OSBPL3: variants seen among roughly 807,000 people sequenced by gnomAD.
OSBPL3 encodes the protein oxysterol binding protein like 3, also known as oxysterol-binding protein-related protein 3.
OSBPL3 carries 65 observed loss-of-function variants against 120.1 expected under a neutral mutation model. The observed-to-expected ratio is 0.54, with a 90% CI of 0.44 to 0.67. OSBPL3 has a LOEUF of 0.67. OSBPL3 is among the 30% of genes least tolerant of loss of function. The pLI, the probability that OSBPL3 is intolerant of heterozygous loss-of-function variation, is 0.00. For synonymous variants in OSBPL3, 416 were observed against 402.6 expected, an observed-to-expected ratio of 1.03 and a Z score of -0.40; for missense variants, 1,004 against 1,082.1, an observed-to-expected ratio of 0.93 and a Z score of 1.01.
chr7:24,809,121 A>G (rs1793441183), intron 20 of OSBPL3, among the ~76,000 whole-genome samples: 1 of 152,158 alleles, frequency 6.6e-6, no homozygotes. Flanking sequence ...CTAACGGTTT[A>G]AACCACCAGT....
At chr7:24,911,276 G>A (rs935592785) in intron 1 of OSBPL3, among the ~76,000 whole-genome samples, 1 of 152,110 alleles carries the variant, frequency 6.6e-6, no homozygotes, top group African/African-American at 2.4e-5. Flanking sequence ...TTTATCAGTG[G>A]GTGTTATTAC....
intron 1 of OSBPL3, among the ~76,000 whole-genome samples, chr7:24,943,739 T>C (rs1813366501): frequency 6.6e-6 from 1 of 152,188 alleles, no homozygotes; most frequent in African/African-American, 2.4e-5. Context: ...AGCTTTCACG[T>C]TCCCTGGTGC....
intron 1 of OSBPL3, among the ~76,000 whole-genome samples, chr7:24,925,218 C>T (rs1400972292): frequency 6.6e-6 from 1 of 152,146 alleles, no homozygotes; most frequent in East Asian, 1.9e-4. Context: ...TGATAACAAA[C>T]CTCCCTCAGC....
chr7:24,852,690 T>A lies in OSBPL3; in HGVS notation c.1028-56A>T. The A allele has an allele frequency of 8.3e-7, 1 of 1,206,918 alleles. No homozygotes were observed. The highest frequency in any genetic ancestry group is 1.1e-6 in the Non-Finnish European group (1 of 885,502). The allele number at this position is 1,206,918 out of a possible 1,614,324, so 74.8% of individuals were successfully genotyped here. On this transcript the variant is annotated intron_variant, in intron 10 of 22. Coordinates refer to ENST00000313367, the MANE Select transcript of OSBPL3 (RefSeq NM_015550.4). This position sits in a 1 kb window ranked among gnomAD's most constrained non-coding sequence, Gnocchi z 4.1. ...TAAGGAGGCATAATTAAAAACAAAA[T>A]ACAGAAAAAAACATATCTCTTATAA...
intron 10 of OSBPL3, among the ~76,000 whole-genome samples, chr7:24,853,570 A>T (rs1357073064): frequency 6.6e-6 from 1 of 152,270 alleles, no homozygotes; most frequent in Non-Finnish European, 1.5e-5. Flanking sequence ...TTATTGGGAT[A>T]ACTGACAGCA....
At chr7:24,973,753 G>GA (rs1378825019) in intron 1 of OSBPL3, among the ~76,000 whole-genome samples, 3 of 152,040 alleles carry the variant, frequency 2.0e-5, no homozygotes, top group Non-Finnish European at 2.9e-5. Context: ...AAGCATCTTT[G>GA]AAAAAAATCA....
rs1326391160 is a variant in OSBPL3 at position 24,947,582 on chromosome 7, C to T, written c.-150+32304G>A. On this transcript the variant is annotated intron_variant, in intron 1 of 22. Coordinates refer to ENST00000313367, the MANE Select transcript of OSBPL3 (RefSeq NM_015550.4). The surrounding 1 kb of genome is among the most constrained non-coding windows in gnomAD (Gnocchi z 4.4). ...TTTTAGCATAATATTTAATCCCTAA[C>T]CATACCAACAACTTATCTATATGGG... 4.6e-5 allele frequency among the ~76,000 whole-genome samples: 7 copies of T among 152,106 alleles called. No homozygotes were observed. Among genetic ancestry groups the T allele is most frequent in the Non-Finnish European group, 1.0e-4 (7 of 68,022 alleles).
chr7:24,977,566 A>AC (rs11377684), intron 1 of OSBPL3, among the ~76,000 whole-genome samples: 129,137 of 152,138 alleles, frequency 0.85, 55,173 homozygotes, highest in African/African-American at 0.94. Flanking sequence ...GGTGAAAATT[A>AC]AGCTTACGGG....
At chr7:24,980,857 T>C (rs1818263069), upstream of OSBPL3, among the ~76,000 whole-genome samples, 1 of 152,098 alleles carries the variant, frequency 6.6e-6, no homozygotes, top group East Asian at 1.9e-4. Context: ...CCGTCGTTAC[T>C]ATTAAATCTC....
At chr7:24,843,495 G>A (rs551860931) in intron 12 of OSBPL3, among the ~76,000 whole-genome samples, 1 of 152,240 alleles carries the variant, frequency 6.6e-6, no homozygotes, top group African/African-American at 2.4e-5. Flanking sequence ...GAAATTGTCT[G>A]AATTCAGGAT....
rs112190448 is a variant in OSBPL3 at position 24,979,559 on chromosome 7, G to C, written c.-150+327C>G. ...GGCGTAGCGCCTCCCCGCTGCCCAG[G>C]ACAGCTCCGCGCGCCGCGTCCTCCC... On this transcript the variant is annotated intron_variant, in intron 1 of 22. Transcript: ENST00000313367. Among the ~76,000 whole-genome samples the C allele has an allele frequency of 2.8e-4, 42 of 152,326 alleles. 1 individual carries two copies. The highest frequency in any genetic ancestry group is 1.0e-3 in the African/African-American group (42 of 41,580).
At chr7:24,882,812 T>G (rs186864292) in intron 2 of OSBPL3, among the ~76,000 whole-genome samples, 1 of 152,376 alleles carries the variant, frequency 6.6e-6, no homozygotes, top group Non-Finnish European at 1.5e-5. Context: ...GATTTGCATT[T>G]CCCTGATGAT....
intron 12 of OSBPL3, among the ~76,000 whole-genome samples, chr7:24,848,566 A>G (rs1023666330): frequency 6.6e-6 from 1 of 152,176 alleles, no homozygotes; most frequent in Non-Finnish European, 1.5e-5. Context: ...AGACACTTTA[A>G]TTGTAATGAA....
Position 24,818,187 on chromosome 7 carries a change from G to A in OSBPL3, c.1949-1499C>T, listed in dbSNP as rs1794701872. On this transcript the variant is annotated intron_variant, in intron 17 of 22. Transcript: ENST00000313367. This position sits in a 1 kb window ranked among gnomAD's most constrained non-coding sequence, Gnocchi z 4.0. Reference sequence around the variant, plus strand: ...GGGGGTGGATAATATTTGCTAAAGAGGATTCTTTTTGGAGTGATGAAAATG... The same window carrying A: ...GGGGGTGGATAATATTTGCTAAAGAAGATTCTTTTTGGAGTGATGAAAATG... Among the ~76,000 whole-genome samples the A allele has an allele frequency of 6.6e-6, 1 of 152,160 alleles. No individual in the cohort carries two copies. The highest frequency in any genetic ancestry group is 1.5e-5 in the Non-Finnish European group (1 of 68,024).
chr7:24,837,079 C>G (rs1357979738), intron 14 of OSBPL3, among the ~76,000 whole-genome samples: 1 of 152,236 alleles, frequency 6.6e-6, no homozygotes, highest in Non-Finnish European at 1.5e-5. Flanking sequence ...AAGTGATCCA[C>G]CCACCTCAGC....
intron 16 of OSBPL3, among the ~76,000 whole-genome samples, chr7:24,825,244 G>A (rs925471821): frequency 6.6e-6 from 1 of 152,194 alleles, no homozygotes; most frequent in Non-Finnish European, 1.5e-5. Flanking sequence ...CCTGAGCTAG[G>A]TGACCAGCAT....
chr7:24,859,632 G>A (rs553139255), intron 10 of OSBPL3, among the ~76,000 whole-genome samples: 2 of 152,314 alleles, frequency 1.3e-5, no homozygotes, highest in South Asian at 4.1e-4. Flanking sequence ...GAGAATTCAA[G>A]TCTCATGCTG....
In OSBPL3 at chr7:24,827,794, G is replaced by GGCTTC. The variant is rs1795875850; in HGVS notation, c.1884+2973_1884+2974insGAAGC. Among the ~76,000 whole-genome samples, 2 of 152,160 alleles carry GGCTTC rather than the reference G, an allele frequency of 1.3e-5. No individual in the cohort carries two copies. The highest frequency in any genetic ancestry group is 2.9e-5 in the Non-Finnish European group (2 of 68,024). On this transcript the variant is annotated intron_variant, in intron 16 of 22. Transcript: ENST00000313367. The surrounding 1 kb of genome is among the most constrained non-coding windows in gnomAD (Gnocchi z 5.1). ...CCATGATGATCAGGACTGGTGGTAT[G>GGCTTC]ACCATGGTGAAGCCAGCTGTGAGAA...
rs764933500 is a variant in OSBPL3, at chr7:24,831,548, A to C, written c.1747-643T>G. On this transcript the variant is annotated intron_variant, in intron 15 of 22. Transcript: ENST00000313367. The surrounding 1 kb of genome is among the most constrained non-coding windows in gnomAD (Gnocchi z 4.0). ...GAAGAAAAACTTTACGTGAACACGA[A>C]GTGAACAAACTCTCTGGGCAGCCCT... Among the ~76,000 whole-genome samples the C allele has an allele frequency of 3.9e-5, 6 of 152,240 alleles. No homozygotes were observed. Among genetic ancestry groups the C allele is most frequent in the Non-Finnish European group, 5.9e-5 (4 of 68,034 alleles).
Sources: gnomAD v4.1 joint callset for allele counts (sites outside exome capture counted in the v4.1 genomes callset) on GRCh38, gnomAD v4.1.1 for gene constraint, Gnocchi (gnomAD v3.1) non-coding constraint, MANE v1.5 for transcripts, NCBI Gene and HGNC (gene_info 2026-07-23, HGNC 2026-07-21) for gene names.